The following ATOSA variants were observed in gnomAD, a reference collection of about 807,000 sequenced individuals.
ATOSA encodes atos homolog A, also known as atos homolog protein A.
chr15:52,662,769 C>CAA, the ATOSA span, among the ~76,000 whole-genome samples: 14 of 79,008 alleles, frequency 1.8e-4, no homozygotes, highest in African/African-American at 3.2e-4. Context: ...GACTCCGTCT[C>CAA]AAAAAAAAAA....
chr15:52,639,519 T>G, the ATOSA span, among the ~76,000 whole-genome samples: 54 of 152,344 alleles, frequency 3.5e-4, no homozygotes, highest in African/African-American at 1.1e-3. Flanking sequence ...ATTCTATAAA[T>G]ACAACAGTCT....
At chr15:52,679,191 T>C in the ATOSA span, 1 of 153,318 alleles carries the variant, frequency 6.5e-6, no homozygotes, top group Admixed American at 6.5e-5. Context: ...CTCCCTGCGC[T>C]CAGCCCCTCC....
At chr15:52,584,760 T>G in the ATOSA span, 4 of 1,613,474 alleles carry the variant, frequency 2.5e-6, no homozygotes, top group Non-Finnish European at 3.4e-6. Flanking sequence ...ATGTATGAGG[T>G]AGCGTAATAA....
the ATOSA span, among the ~76,000 whole-genome samples, chr15:52,640,650 T>C: frequency 7.6e-6 from 1 of 131,808 alleles, no homozygotes; most frequent in South Asian, 2.5e-4. Flanking sequence ...ACATTTAAAA[T>C]AAACTAAATA....
chr15:52,617,438 C>T, the ATOSA span, among the ~76,000 whole-genome samples: 1 of 152,136 alleles, frequency 6.6e-6, no homozygotes, highest in Admixed American at 6.5e-5. Context: ...GTTTAAGCCA[C>T]CCAAATCTAT....
chr15:52,599,321 G>T, the ATOSA span, among the ~76,000 whole-genome samples: 2 of 152,174 alleles, frequency 1.3e-5, no homozygotes, highest in South Asian at 4.1e-4. Flanking sequence ...TAGAGAGCTT[G>T]ACATCTCTGA....
the ATOSA span, among the ~76,000 whole-genome samples, chr15:52,694,807 T>C: frequency 6.6e-6 from 1 of 152,084 alleles, no homozygotes; most frequent in Non-Finnish European, 1.5e-5. Context: ...GCTGCCAGAG[T>C]ACTAAAAAAA....
the ATOSA span, among the ~76,000 whole-genome samples, chr15:52,703,763 G>C: frequency 1.1e-4 from 17 of 152,124 alleles, no homozygotes; most frequent in African/African-American, 4.1e-4. Flanking sequence ...GATGGGTGCA[G>C]CAAACCAACA....
At chr15:52,651,258 T>C in the ATOSA span, among the ~76,000 whole-genome samples, 1 of 152,190 alleles carries the variant, frequency 6.6e-6, no homozygotes, top group Non-Finnish European at 1.5e-5. Context: ...GACTTTGCGG[T>C]TGAATTATGA....
At chr15:52,665,282 G>A in the ATOSA span, among the ~76,000 whole-genome samples, 28 of 152,236 alleles carry the variant, frequency 1.8e-4, no homozygotes, top group African/African-American at 6.8e-4. Context: ...TTACGGGGGT[G>A]AGGGGAGACT....
chr15:52,628,536 T>A, the ATOSA span, among the ~76,000 whole-genome samples: 1 of 152,178 alleles, frequency 6.6e-6, no homozygotes, highest in Non-Finnish European at 1.5e-5. Context: ...AAACAGTAAT[T>A]ACCTGTCAAT....
At chr15:52,587,292 C>G in the ATOSA span, 1 of 1,238,878 alleles carries the variant, frequency 8.1e-7, no homozygotes, top group Non-Finnish European at 1.1e-6. Context: ...AAGAATAACT[C>G]ATGTAATTTA....
chr15:52,703,967 A>G, the ATOSA span, among the ~76,000 whole-genome samples: 1 of 152,220 alleles, frequency 6.6e-6, no homozygotes, highest in Non-Finnish European at 1.5e-5. Flanking sequence ...AGGATATACT[A>G]TTAAGAGAAA....
At chr15:52,703,806 C>T in the ATOSA span, among the ~76,000 whole-genome samples, 2 of 151,870 alleles carry the variant, frequency 1.3e-5, no homozygotes, top group African/African-American at 4.8e-5. Flanking sequence ...CAAACCTTCA[C>T]GTTGTGTACA....
the ATOSA span, among the ~76,000 whole-genome samples, chr15:52,659,717 G>A: frequency 2.6e-5 from 4 of 152,126 alleles, no homozygotes; most frequent in African/African-American, 9.7e-5. Context: ...AGACTTGAGT[G>A]CACTAGCAGA....
chr15:52,584,657 G>C, the ATOSA span: 8 of 1,133,056 alleles, frequency 7.1e-6, no homozygotes, highest in Non-Finnish European at 9.9e-6. Flanking sequence ...AGGGACACTG[G>C]TCTAGTTAGA....
chr15:52,608,165 T>C, the ATOSA span, among the ~76,000 whole-genome samples: 4 of 152,250 alleles, frequency 2.6e-5, no homozygotes, highest in Non-Finnish European at 4.4e-5. Flanking sequence ...GTTGCAATTA[T>C]AGGCTGTGAG....
At chr15:52,596,244 T>C in the ATOSA span, among the ~76,000 whole-genome samples, 9 of 152,234 alleles carry the variant, frequency 5.9e-5, no homozygotes, top group Non-Finnish European at 1.3e-4. Context: ...AGATGTCAAT[T>C]TTCCTCCAAT....
the ATOSA span, among the ~76,000 whole-genome samples, chr15:52,589,154 A>G: frequency 2.6e-5 from 4 of 152,204 alleles, no homozygotes; most frequent in South Asian, 2.1e-4. Flanking sequence ...GCACATCAAC[A>G]AACTGCAACC....
Sources: allele counts gnomAD v4.1 joint callset (sites outside exome capture counted in the v4.1 genomes callset), GRCh38; gene constraint gnomAD v4.1.1; transcripts MANE v1.5; gene names NCBI Gene and HGNC (gene_info 2026-07-23, HGNC 2026-07-21).